The following PDLIM2 variants were observed in gnomAD, a reference collection of about 807,000 sequenced individuals.
PDLIM2 encodes the protein PDZ and LIM domain protein 2.
In PDLIM2, 51 loss-of-function variants were observed where a neutral mutation model predicts 54.1. The ratio of observed to expected loss-of-function variants is 0.94; its 90% CI spans 0.75 to 1.19. The LOEUF (loss-of-function observed/expected upper bound fraction) is 1.19, where lower values mean the gene tolerates loss of function less well. Ranked by LOEUF, PDLIM2 falls within the 50% of genes most tolerant of loss-of-function variation. PDLIM2 has a pLI of 0.00. For synonymous variants in PDLIM2, 398 were observed against 385.6 expected, an observed-to-expected ratio of 1.03 and a Z score of -0.38; for missense variants, 912 against 874.0, an observed-to-expected ratio of 1.04 and a Z score of -0.55.
In PDLIM2 at chr8:22,593,758, G is replaced by A. The variant is rs761526772; in HGVS notation, c.1657G>A (p.Gly553Ser). Residue 553 changes from glycine to serine, a missense_variant, in exon 10 of 10, where the codon GGC becomes AGC. Coordinates refer to ENST00000308354, the Ensembl canonical transcript of PDLIM2. ...GAACCAGGCTGTGCGCATCCAGGAG[G>A]GCCGGTACCGCCACCCCGGCTGCTA... The A allele has an allele frequency of 4.2e-5, 67 of 1,599,672 alleles. No individual in the cohort carries two copies. Among genetic ancestry groups the A allele is most frequent in the Non-Finnish European group, 5.4e-5 (63 of 1,174,380 alleles).
At chr8:22,579,676 CT>C (rs1800134266) in intron 1 of PDLIM2, 1 of 989,730 alleles carries the variant, frequency 1.0e-6, no homozygotes, top group South Asian at 2.1e-5. Context: ...TCTCGCAGCA[CT>C]TGCGTCCCCA....
chr8:22,591,423 G>T, intron 8 of PDLIM2, 128 bp from the exon 8 acceptor site: 1 of 791,894 alleles, frequency 1.3e-6, no homozygotes, highest in Non-Finnish European at 2.2e-6. Context: ...CTTACCTGGT[G>T]CCACTGTCAG....
At chr8:22,591,177 A>C in intron 8 of PDLIM2, 1 of 276,694 alleles carries the variant, frequency 3.6e-6, no homozygotes, top group Non-Finnish European at 7.1e-6. Context: ...CAGATGTGAC[A>C]AGGCATGGAA....
intron 1 of PDLIM2, 74 bp from the exon 1 acceptor site, chr8:22,580,401 G>A (rs1800153779): frequency 7.6e-7 from 1 of 1,309,436 alleles, no homozygotes. Flanking sequence ...CCAGAAGCAT[G>A]GCTTCCCAGG....
intron 3 of PDLIM2, among the ~76,000 whole-genome samples, chr8:22,582,197 C>T (rs1031569581): frequency 4.3e-4 from 65 of 152,208 alleles, no homozygotes; most frequent in African/African-American, 2.2e-4. Context: ...GCCCTCTGCA[C>T]GGGCCTAGAA....
At chr8:22,579,822 T>G in intron 1 of PDLIM2, 5 of 325,842 alleles carry the variant, frequency 1.5e-5, no homozygotes, top group East Asian at 9.8e-5. Context: ...GGCACTTCCT[T>G]GCCCAGCGGA....
rs370648463 is a variant in PDLIM2, at chr8:22,581,444, C to T, written c.909C>T (p.Asn303=). 5.4e-5 allele frequency: 87 copies of T among 1,608,040 alleles called. No individual in the cohort carries two copies. In the African/African-American group the frequency reaches 5.9e-4, roughly 11 times the overall value. Reference sequence around the variant, plus strand: ...CTGGAGACATAATCGTGGCCATCAACGGGGAAAGCGCGGAGGGCATGCTGC... The same window carrying T: ...CTGGAGACATAATCGTGGCCATCAATGGGGAAAGCGCGGAGGGCATGCTGC... The change falls in exon 3 of 10, where the codon AAC becomes AAT. Residue 303 remains asparagine, a synonymous_variant. Transcript: ENST00000308354.
rs141780037 is a variant in PDLIM2, at chr8:22,591,604, G to A, written c.1567G>A (p.Ala523Thr). Reference sequence around the variant, plus strand: ...ACTGAGCCCCCAGTCCTCCCTGCCCGCCTCCAGGGCCCTGGCCACCCCTCC... The same window carrying A: ...ACTGAGCCCCCAGTCCTCCCTGCCCACCTCCAGGGCCCTGGCCACCCCTCC... The change falls in exon 9 of 10, where the codon GCC becomes ACC. Residue 523 changes from alanine to threonine, a missense_variant. Transcript: ENST00000308354. 107 of 1,613,394 alleles carry A rather than the reference G, an allele frequency of 6.6e-5. No homozygotes were observed. The highest frequency in any genetic ancestry group is 1.0e-4 in the Admixed American group (6 of 59,976).
chr8:22,587,558 C>T (rs181633423), intron 6 of PDLIM2, among the ~76,000 whole-genome samples: 25 of 152,226 alleles, frequency 1.6e-4, no homozygotes, highest in East Asian at 3.9e-4. Context: ...GCACACATTT[C>T]GAGAGGTGTT....
chr8:22,591,788 G>A (rs1487613358), intron 9 of PDLIM2, 120 bp downstream of exon 8: 10 of 840,548 alleles, frequency 1.2e-5, no homozygotes, highest in East Asian at 2.7e-5. Context: ...GTACCCAGTC[G>A]GGGACTCTAG....
At chr8:22,589,762 G>A in intron 8 of PDLIM2, 21 bp downstream of exon 7, 1 of 1,555,676 alleles carries the variant, frequency 6.4e-7, no homozygotes, top group Middle Eastern at 1.7e-4. Context: ...GGGGGGCTGG[G>A]GAGGGGAAGG....
intron 6 of PDLIM2, among the ~76,000 whole-genome samples, chr8:22,587,383 T>C (rs1800409039): frequency 6.6e-6 from 1 of 152,068 alleles, no homozygotes; most frequent in Admixed American, 6.6e-5. Flanking sequence ...AAAAATCGCT[T>C]ATACTTGAGA....
Position 22,579,351 on chromosome 8 carries a change from C to CG in PDLIM2, c.577dup (p.Ala193GlyfsTer35). The CG allele has an allele frequency of 6.8e-7, 1 of 1,467,480 alleles. No homozygotes were observed. The allele number at this position is 1,467,480 out of a possible 1,614,324, so 90.9% of individuals were successfully genotyped here. ...CCAGCTCCCTGGAGCCTCGCATCAG[C>CG]GGGGGCGCCCCCGCGAGCTGCGCTC... On this transcript the variant is annotated frameshift_variant, in exon 1 of 10. Transcript: ENST00000308354. LOFTEE classifies it high-confidence loss of function.
chr8:22,594,210 GGA>G (rs1800634122), exon 10 of PDLIM2: 2 of 1,399,438 alleles, frequency 1.4e-6, no homozygotes, highest in African/African-American at 2.9e-5. Flanking sequence ...GAAGTGGGAA[GGA>G]GAGGGGTGGG....
downstream of PDLIM2, chr8:22,596,281 C>G (rs1037483120): frequency 6.6e-6 from 1 of 152,164 alleles, no homozygotes; most frequent in Non-Finnish European, 1.5e-5. Flanking sequence ...AGTGAGGCAT[C>G]GAATGCCTTC....
exon 1 of PDLIM2, chr8:22,579,245 C>G: frequency 7.3e-7 from 1 of 1,362,314 alleles, no homozygotes; most frequent in Non-Finnish European, 9.4e-7. Flanking sequence ...CCACCTGCGC[C>G]TCTCCGCGCG....
rs765426870 is a variant in PDLIM2 at position 22,591,584 on chromosome 8, G to A, written c.1547G>A (p.Ser516Asn). Reference sequence around the variant, plus strand: ...CCAGCCTTCTTGCCCAGCTCACTGAGCCCCCAGTCCTCCCTGCCCGCCTCC... The same window carrying A: ...CCAGCCTTCTTGCCCAGCTCACTGAACCCCCAGTCCTCCCTGCCCGCCTCC... The change falls in exon 9 of 10, where the codon AGC (serine) becomes AAC (asparagine). Residue 516 changes from serine (S) to asparagine (N), a missense_variant. Coordinates refer to ENST00000308354, the Ensembl canonical transcript of PDLIM2. The A allele has an allele frequency of 1.6e-5, 26 of 1,613,490 alleles. No individual in the cohort carries two copies. In the African/African-American group the frequency reaches 3.2e-4, roughly 20 times the overall value.
chr8:22,594,386 A>G (rs1800638100), downstream of PDLIM2: 1 of 1,534,230 alleles, frequency 6.5e-7, no homozygotes, highest in Non-Finnish European at 8.8e-7. Context: ...TTTATGCAAC[A>G]TACGTTTCTT....
At chr8:22,593,670 T>G in intron 9 of PDLIM2, 63 bp from the exon 9 acceptor site, 1 of 1,423,262 alleles carries the variant, frequency 7.0e-7, no homozygotes, top group Non-Finnish European at 9.5e-7. Flanking sequence ...CCAGGCCCCC[T>G]GGGCATGGTG....
Sources: gnomAD v4.1 joint callset for allele counts (sites outside exome capture counted in the v4.1 genomes callset) on GRCh38, gnomAD v4.1.1 for gene constraint, MANE v1.5 for transcripts, NCBI Gene and HGNC (gene_info 2026-07-23, HGNC 2026-07-21) for gene names.